STXBP5L: variants seen among roughly 807,000 people sequenced by gnomAD.
STXBP5L encodes syntaxin-binding protein 5-like.
Under a neutral mutation model 144.5 loss-of-function variants are expected in STXBP5L, and 65 were observed. The observed-to-expected ratio is 0.45, with a 90% CI of 0.37 to 0.55. The LOEUF is 0.55. STXBP5L is among the 20% of genes least tolerant of loss of function. STXBP5L has a pLI of 0.00. For missense variants in STXBP5L, 1,298 were observed against 1,405.5 expected (o/e 0.92, Z 1.22); for synonymous variants, 505 against 469.6 (o/e 1.08, Z -0.97).
At chr3:121,320,978 C>T (rs980471143) in intron 20 of STXBP5L, among the ~76,000 whole-genome samples, 16 of 152,134 alleles carry the variant, frequency 1.1e-4, no homozygotes, top group Non-Finnish European at 1.8e-4. Context: ...GGATTACAGG[C>T]GTGAGCCACC....
chr3:121,367,998 T>A (rs1257139443), intron 20 of STXBP5L, among the ~76,000 whole-genome samples: 1 of 152,036 alleles, frequency 6.6e-6, no homozygotes, highest in African/African-American at 2.4e-5. Context: ...AGCTTCTTGG[T>A]TGTTTATATT....
intron 25 of STXBP5L, 36 bp from the exon 26 acceptor site, chr3:121,418,301 C>G (rs2047284912): frequency 3.2e-6 from 5 of 1,582,992 alleles, no homozygotes; most frequent in Non-Finnish European, 4.3e-6. Flanking sequence ...GAATTACTGA[C>G]AAAATGTTTT....
At chr3:120,909,516 A>G in intron 1 of STXBP5L, 55 bp from the exon 2 acceptor site, 1 of 1,477,082 alleles carries the variant, frequency 6.8e-7, no homozygotes. Flanking sequence ...ACCAAGGTCT[A>G]ATTGCACGTG....
intron 20 of STXBP5L, among the ~76,000 whole-genome samples, chr3:121,336,157 G>A (rs1559988248): frequency 1.3e-5 from 2 of 152,220 alleles, no homozygotes; most frequent in Non-Finnish European, 1.5e-5. Flanking sequence ...AAGAGCATAT[G>A]AAAAAAAGTT....
intron 4 of STXBP5L, 48 bp downstream of exon 4, chr3:121,041,829 C>A (rs1451095429): frequency 1.7e-6 from 2 of 1,189,330 alleles, no homozygotes; most frequent in Non-Finnish European, 2.5e-6. Context: ...CCCCACTACA[C>A]AGTGAATCAG....
chr3:120,930,913 T>G (rs918938733), intron 2 of STXBP5L, among the ~76,000 whole-genome samples: 10 of 152,180 alleles, frequency 6.6e-5, no homozygotes, highest in African/African-American at 2.4e-4. Flanking sequence ...ATAACTGGGA[T>G]AACTATGTTT....
chr3:121,333,526 G>A (rs2044398173), intron 20 of STXBP5L, among the ~76,000 whole-genome samples: 1 of 150,024 alleles, frequency 6.7e-6, no homozygotes. Flanking sequence ...CAAAATCAGA[G>A]CTGAACTGAA....
chr3:121,380,349 G>A (rs1355870323), intron 21 of STXBP5L, among the ~76,000 whole-genome samples: 2 of 151,958 alleles, frequency 1.3e-5, no homozygotes, highest in African/African-American at 2.4e-5. Flanking sequence ...TTGTTTCCTA[G>A]AAAAAAGTCT....
chr3:121,133,492 G>T (rs916093937), intron 7 of STXBP5L, among the ~76,000 whole-genome samples: 3 of 151,520 alleles, frequency 2.0e-5, no homozygotes, highest in Non-Finnish European at 4.4e-5. Flanking sequence ...CATCCTAAAA[G>T]AAAAAAAATA....
chr3:121,086,919 T>A (rs879692900), intron 5 of STXBP5L, among the ~76,000 whole-genome samples: 2 of 152,072 alleles, frequency 1.3e-5, no homozygotes, highest in Admixed American at 6.6e-5. Context: ...TTCTCAGAAC[T>A]TATGCCCATT....
At chr3:121,030,020 A>T (rs1010326764) in intron 3 of STXBP5L, among the ~76,000 whole-genome samples, 7 of 152,348 alleles carry the variant, frequency 4.6e-5, no homozygotes, top group African/African-American at 1.7e-4. Context: ...TTAAAAAGTC[A>T]GGAAACGACA....
intron 5 of STXBP5L, among the ~76,000 whole-genome samples, chr3:121,076,954 G>A (rs989432748): frequency 7.2e-5 from 11 of 152,096 alleles, no homozygotes; most frequent in African/African-American, 2.4e-4. Flanking sequence ...CTGTGGAACT[G>A]GTTCTATGGA....
intron 3 of STXBP5L, among the ~76,000 whole-genome samples, chr3:121,003,209 C>T (rs917590657): frequency 4.6e-5 from 7 of 152,130 alleles, no homozygotes; most frequent in African/African-American, 1.2e-4. Flanking sequence ...ACATCCTCTC[C>T]AGCACCTGTT....
chr3:120,958,653 C>G (rs1290820853), intron 3 of STXBP5L, among the ~76,000 whole-genome samples: 1 of 152,142 alleles, frequency 6.6e-6, no homozygotes, highest in Admixed American at 6.5e-5. Flanking sequence ...AAGACAAAAA[C>G]CACATGATTA....
intron 22 of STXBP5L, among the ~76,000 whole-genome samples, chr3:121,385,345 G>A (rs898223199): frequency 6.6e-6 from 1 of 152,226 alleles, no homozygotes; most frequent in Non-Finnish European, 1.5e-5. Context: ...AAGAGAGAGA[G>A]GAGGGAGGTA....
intron 9 of STXBP5L, among the ~76,000 whole-genome samples, chr3:121,203,761 C>G (rs1010478619): frequency 6.6e-6 from 1 of 152,110 alleles, no homozygotes; most frequent in Non-Finnish European, 1.5e-5. Context: ...TATGTACAAA[C>G]AACTGCAAAT....
intron 3 of STXBP5L, among the ~76,000 whole-genome samples, chr3:121,017,084 A>G (rs1181337445): frequency 6.6e-6 from 1 of 152,206 alleles, no homozygotes; most frequent in African/African-American, 2.4e-5. Context: ...AAAGAATTAT[A>G]CACTATGACC....
chr3:121,167,405 A>C (rs1301513742), intron 9 of STXBP5L, among the ~76,000 whole-genome samples: 2 of 152,230 alleles, frequency 1.3e-5, no homozygotes, highest in African/African-American at 2.4e-5. Flanking sequence ...TTAGCTGCTA[A>C]AAATTCTCAT....
chr3:121,044,349 A>G (rs1473902897), intron 4 of STXBP5L, among the ~76,000 whole-genome samples: 1 of 152,172 alleles, frequency 6.6e-6, no homozygotes, highest in Non-Finnish European at 1.5e-5. Flanking sequence ...CTTAGAAATT[A>G]TTATAGAAGG....
Sources: gnomAD v4.1 joint callset for allele counts (sites outside exome capture counted in the v4.1 genomes callset) on GRCh38, gnomAD v4.1.1 for gene constraint, MANE v1.5 for transcripts, NCBI Gene and HGNC (gene_info 2026-07-23, HGNC 2026-07-21) for gene names.